Variants in CBLN2 observed in about 807,000 individuals in gnomAD.
CBLN2 encodes cerebellin 2 precursor.
A neutral mutation model predicts 15.0 loss-of-function variants in CBLN2; 7 were observed. The observed-to-expected ratio is 0.47, with a 90% CI of 0.27 to 0.88. CBLN2 has a LOEUF of 0.88. CBLN2 is among the 40% of genes least tolerant of loss of function. The pLI is 0.14. For missense variants in CBLN2, 242 were observed against 304.5 expected, an observed-to-expected ratio of 0.79 and a Z score of 1.53; for synonymous variants, 149 against 135.2, an observed-to-expected ratio of 1.10 and a Z score of -0.71.
At chr18:72,566,494 G>T (rs969765107) in intron 1 of CBLN2, among the ~76,000 whole-genome samples, 1 of 152,184 alleles carries the variant, frequency 6.6e-6, no homozygotes, top group Admixed American at 6.5e-5. Context: ...ATGAAATCCT[G>T]TCATTTGTGA....
chr18:72,541,602 A>C (rs550610740), intron 3 of CBLN2, among the ~76,000 whole-genome samples: 28 of 152,346 alleles, frequency 1.8e-4, no homozygotes, highest in African/African-American at 6.7e-4. Context: ...TGATCATTTA[A>C]AAGTTTTTAA....
At chr18:72,602,585 C>T (rs571545604) in intron 1 of CBLN2, among the ~76,000 whole-genome samples, 12 of 152,214 alleles carry the variant, frequency 7.9e-5, no homozygotes, top group Admixed American at 2.0e-4. Context: ...CAGCAGTTGT[C>T]GGGGTGCCGC....
intron 1 of CBLN2, among the ~76,000 whole-genome samples, chr18:72,594,072 A>C (rs1332079322): frequency 6.6e-6 from 1 of 152,194 alleles, no homozygotes; most frequent in Non-Finnish European, 1.5e-5. Context: ...TATAAGTGGG[A>C]GCTGAACAAT....
At chr18:72,626,471 G>A (rs903100477) in intron 1 of CBLN2, among the ~76,000 whole-genome samples, 3 of 152,004 alleles carry the variant, frequency 2.0e-5, no homozygotes, top group Non-Finnish European at 4.4e-5. Context: ...AAGTTGAGGT[G>A]GGTAGATCAC....
Position 72,625,787 on chromosome 18 carries a change from ACTCTCTCTCTCT to A in CBLN2, c.15+12526_15+12537del, listed in dbSNP as rs374437409. On this transcript the variant is annotated intron_variant, in intron 1 of 2. Coordinates refer to the CBLN2 transcript ENST00000581073. ...ATATATATATGACTATATATATATG[ACTCTCTCTCTCT>A]CTCTCTCTCTCTCTCTCTCTATATA... Among the ~76,000 whole-genome samples the A allele has an allele frequency of 1.2e-3, 95 of 79,480 alleles. 1 individual carries two copies. The highest frequency in any genetic ancestry group is 1.7e-3 in the Non-Finnish European group (69 of 39,736). 52.1% of individuals were successfully genotyped at this position (79,480 alleles called of 152,430 possible).
chr18:72,625,990 G>A (rs756384059), intron 1 of CBLN2, among the ~76,000 whole-genome samples: 5 of 151,334 alleles, frequency 3.3e-5, no homozygotes, highest in African/African-American at 4.9e-5. Flanking sequence ...GTCCATTTCC[G>A]GTCATTTATC....
At chr18:72,596,949 A>T (rs1355188645) in intron 1 of CBLN2, among the ~76,000 whole-genome samples, 1 of 152,008 alleles carries the variant, frequency 6.6e-6, no homozygotes, top group Admixed American at 6.6e-5. Context: ...TTGAATGTTG[A>T]TATCTTTCTC....
At chr18:72,611,173 A>T (rs12326151) in intron 1 of CBLN2, among the ~76,000 whole-genome samples, 1 of 151,986 alleles carries the variant, frequency 6.6e-6, no homozygotes, top group East Asian at 1.9e-4. Context: ...CCACATCTTC[A>T]CTATTGTGAC....
At chr18:72,635,920 A>G (rs1241390401) in intron 1 of CBLN2, among the ~76,000 whole-genome samples, 3 of 152,196 alleles carry the variant, frequency 2.0e-5, no homozygotes, top group Middle Eastern at 3.2e-3. Flanking sequence ...CTATAAAGGA[A>G]TGCAACATCT....
intron 1 of CBLN2, among the ~76,000 whole-genome samples, chr18:72,585,789 A>G (rs2069438761): frequency 6.6e-6 from 1 of 152,246 alleles, no homozygotes. Flanking sequence ...AGCCACCCTC[A>G]GTACCCCCTT....
chr18:72,589,800 G>A (rs2069467699), intron 1 of CBLN2, among the ~76,000 whole-genome samples: 1 of 152,186 alleles, frequency 6.6e-6, no homozygotes, highest in South Asian at 2.1e-4. Context: ...GAGGGCCACA[G>A]GTGATCTGAG....
chr18:72,603,065 G>A (rs1286673043), intron 1 of CBLN2, among the ~76,000 whole-genome samples: 1 of 152,222 alleles, frequency 6.6e-6, no homozygotes, highest in South Asian at 2.1e-4. Context: ...AAGGCTCACT[G>A]AGAGGATTAA....
chr18:72,554,248 T>C (rs769386045), intron 1 of CBLN2, among the ~76,000 whole-genome samples: 3 of 152,114 alleles, frequency 2.0e-5, no homozygotes, highest in Non-Finnish European at 2.9e-5. Flanking sequence ...AAAGTTGTAA[T>C]CTATTATGCC....
At chr18:72,590,234 C>T (rs1415367000) in intron 1 of CBLN2, among the ~76,000 whole-genome samples, 1 of 151,172 alleles carries the variant, frequency 6.6e-6, no homozygotes, top group Non-Finnish European at 1.5e-5. Flanking sequence ...CACTGCACTC[C>T]AGCCTGGGTG....
At chr18:72,632,396 G>A (rs2069783117) in intron 1 of CBLN2, among the ~76,000 whole-genome samples, 1 of 152,098 alleles carries the variant, frequency 6.6e-6, no homozygotes, top group African/African-American at 2.4e-5. Flanking sequence ...AATAAATCAA[G>A]CAAGCTTTCA....
At chr18:72,550,268 G>C (rs2069183920) in intron 1 of CBLN2, among the ~76,000 whole-genome samples, 1 of 152,144 alleles carries the variant, frequency 6.6e-6, no homozygotes, top group Non-Finnish European at 1.5e-5. Flanking sequence ...TTCCCCTCAG[G>C]ATCTCATCCT....
intron 1 of CBLN2, among the ~76,000 whole-genome samples, chr18:72,638,058 C>T (rs2069825745): frequency 6.6e-6 from 1 of 152,118 alleles, no homozygotes; most frequent in African/African-American, 2.4e-5. Context: ...AGAGTGAGGG[C>T]CCTGCTATTT....
At chr18:72,593,299 T>A (rs1236699237) in intron 1 of CBLN2, among the ~76,000 whole-genome samples, 1 of 152,164 alleles carries the variant, frequency 6.6e-6, no homozygotes, top group Non-Finnish European at 1.5e-5. Flanking sequence ...TCTTGATTTC[T>A]TCTGCAGATT....
At chr18:72,637,973 A>G (rs1229565036) in intron 1 of CBLN2, among the ~76,000 whole-genome samples, 1 of 152,240 alleles carries the variant, frequency 6.6e-6, no homozygotes, top group Non-Finnish European at 1.5e-5. Context: ...ACGGAGCAGA[A>G]TGTGAACACC....
Sources: gnomAD v4.1 joint callset for allele counts (sites outside exome capture counted in the v4.1 genomes callset) on GRCh38, gnomAD v4.1.1 for gene constraint, MANE v1.5 for transcripts, NCBI Gene and HGNC (gene_info 2026-07-23, HGNC 2026-07-21) for gene names.